Variants in CHODL observed in about 807,000 individuals in gnomAD.
The protein encoded by CHODL is transmembrane protein MT75.
Under a neutral mutation model 34.5 loss-of-function variants are expected in CHODL, and 29 were observed. The ratio of observed to expected loss-of-function variants is 0.84; its 90% CI spans 0.63 to 1.15. The LOEUF (loss-of-function observed/expected upper bound fraction) is 1.15. CHODL is among the 50% of genes most tolerant of loss of function. The pLI is 0.00. For missense variants in CHODL, 332 were observed against 332.5 expected, an observed-to-expected ratio of 1.00 and a Z score of 0.01; for synonymous variants, 125 against 116.1, an observed-to-expected ratio of 1.08 and a Z score of -0.49.
At chr21:18,157,672 A>G (rs1027216305) in intron 2 of CHODL, among the ~76,000 whole-genome samples, 24 of 152,350 alleles carry the variant, frequency 1.6e-4, no homozygotes, top group African/African-American at 5.8e-4. Context: ...ATTACTGGAT[A>G]ACATCCAATG....
At chr21:18,041,024 G>A (rs974317739) in intron 2 of CHODL, among the ~76,000 whole-genome samples, 1 of 151,830 alleles carries the variant, frequency 6.6e-6, no homozygotes, top group Non-Finnish European at 1.5e-5. Context: ...ATGCTCTTTA[G>A]CTTGCTTTTA....
At chr21:18,204,605 A>C (rs1179024505) in intron 2 of CHODL, among the ~76,000 whole-genome samples, 1 of 152,150 alleles carries the variant, frequency 6.6e-6, no homozygotes, top group Non-Finnish European at 1.5e-5. Context: ...TTGCAACTAC[A>C]TTAAATGTCA....
At chr21:18,020,276 G>T (rs1367846623) in intron 1 of CHODL, among the ~76,000 whole-genome samples, 2 of 152,110 alleles carry the variant, frequency 1.3e-5, no homozygotes, top group African/African-American at 4.8e-5. Context: ...GCATCAATCT[G>T]CATCAGTTTA....
chr21:18,103,772 A>G (rs1433805623), intron 2 of CHODL, among the ~76,000 whole-genome samples: 1 of 152,156 alleles, frequency 6.6e-6, no homozygotes, highest in Non-Finnish European at 1.5e-5. Flanking sequence ...CAGAGTGAAC[A>G]TCCCACTGGA....
chr21:18,064,103 C>A (rs749658777), intron 2 of CHODL, among the ~76,000 whole-genome samples: 1 of 152,106 alleles, frequency 6.6e-6, no homozygotes, highest in Non-Finnish European at 1.5e-5. Flanking sequence ...CTTTTAAGAG[C>A]CTTTCTTTGT....
intron 2 of CHODL, among the ~76,000 whole-genome samples, chr21:18,146,379 T>C (rs13049355): frequency 0.13 from 19,993 of 152,006 alleles, 1,408 homozygotes; most frequent in Middle Eastern, 0.23. Flanking sequence ...TAATCTGAAT[T>C]GTAATACCCA....
At chr21:17,961,859 T>G (rs2063534699) in intron 1 of CHODL, among the ~76,000 whole-genome samples, 1 of 152,184 alleles carries the variant, frequency 6.6e-6, no homozygotes, top group Non-Finnish European at 1.5e-5. Context: ...TGGACAACAG[T>G]GAATGGGCTC....
At chr21:18,108,970 G>C (rs1360046428) in intron 2 of CHODL, among the ~76,000 whole-genome samples, 2 of 151,842 alleles carry the variant, frequency 1.3e-5, no homozygotes, top group East Asian at 3.9e-4. Context: ...TATTGAAATA[G>C]GATTATGACA....
At chr21:18,248,672 ACATATATGTATATATTATATAC>A (rs2074177873) in intron 1 of CHODL, among the ~76,000 whole-genome samples, 2 of 106,064 alleles carry the variant, frequency 1.9e-5, no homozygotes, top group Admixed American at 1.1e-4. Flanking sequence ...TATGTATAAT[ACATATATGTATATATTATATAC>A]ATATATATGT....
chr21:18,154,891 T>C (rs949291416), intron 2 of CHODL, among the ~76,000 whole-genome samples: 6 of 152,122 alleles, frequency 3.9e-5, no homozygotes, highest in Admixed American at 3.9e-4. Context: ...CTGTATAAGA[T>C]GATGGAGATA....
rs1568850918 is a variant in CHODL, at chr21:18,028,245, C to CCTTCT, written c.-45+275_-45+276insTTCTC. Among the ~76,000 whole-genome samples, 85 of 114,334 alleles carry CCTTCT rather than the reference C, an allele frequency of 7.4e-4. 3 individuals are homozygous for CCTTCT. The highest frequency in any genetic ancestry group is 2.7e-3 in the African/African-American group (73 of 27,266). 75.0% of individuals were successfully genotyped at this position (114,334 alleles called of 152,430 possible). On this transcript the variant is annotated intron_variant, in intron 2 of 6. Transcript: ENST00000400127. Reference sequence around the variant, plus strand: ...CTCCCCTCCCCTCCCCTTCCCCTTCCCCTTTTCCTTTTCTTTTTCTTTTTC... The same window carrying CCTTCT: ...CTCCCCTCCCCTCCCCTTCCCCTTCCCTTCTCCTTTTCCTTTTCTTTTTCTTTTTC...
chr21:18,248,634 A>G (rs2074175166), intron 1 of CHODL, among the ~76,000 whole-genome samples: 1 of 130,692 alleles, frequency 7.7e-6, no homozygotes, highest in Admixed American at 8.7e-5. Context: ...TATATATAAT[A>G]CATATATGTA....
chr21:18,095,953 C>A (rs1688156), intron 2 of CHODL, among the ~76,000 whole-genome samples: 1 of 151,940 alleles, frequency 6.6e-6, no homozygotes, highest in East Asian at 1.9e-4. Context: ...AAGTTTAATA[C>A]CCTTTCATGA....
intron 1 of CHODL, among the ~76,000 whole-genome samples, chr21:18,002,845 C>G (rs986910766): frequency 6.6e-6 from 1 of 152,022 alleles, no homozygotes; most frequent in Non-Finnish European, 1.5e-5. Flanking sequence ...AGAGCCCGGC[C>G]GGGCGCTGTG....
At chr21:17,952,585 T>G (rs1029862858) in intron 1 of CHODL, among the ~76,000 whole-genome samples, 1 of 152,100 alleles carries the variant, frequency 6.6e-6, no homozygotes, top group Non-Finnish European at 1.5e-5. Context: ...CTAAAGGAAT[T>G]TTTTCAGGTT....
chr21:18,197,647 C>G (rs1489369141), intron 2 of CHODL, among the ~76,000 whole-genome samples: 1 of 152,086 alleles, frequency 6.6e-6, no homozygotes, highest in Non-Finnish European at 1.5e-5. Context: ...TTTATTGTAA[C>G]TCTTCAAGAA....
intron 2 of CHODL, among the ~76,000 whole-genome samples, chr21:18,095,602 C>A (rs2065130587): frequency 6.6e-6 from 1 of 152,126 alleles, no homozygotes; most frequent in Admixed American, 6.6e-5. Flanking sequence ...ACCAGTCCTA[C>A]TCAAACATTC....
intron 2 of CHODL, among the ~76,000 whole-genome samples, chr21:18,232,915 A>C (rs200748815): frequency 2.1e-5 from 3 of 140,244 alleles, no homozygotes; most frequent in East Asian, 4.0e-4. Context: ...AATGGTCCAT[A>C]TAATTATGGG....
intron 2 of CHODL, among the ~76,000 whole-genome samples, chr21:18,151,048 A>G (rs1040162806): frequency 8.4e-5 from 12 of 142,746 alleles, no homozygotes; most frequent in African/African-American, 3.2e-4. Flanking sequence ...GCACCACTGC[A>G]CTCCAGACTG....
Sources: gnomAD v4.1 joint callset for allele counts (sites outside exome capture counted in the v4.1 genomes callset) on GRCh38, gnomAD v4.1.1 for gene constraint, MANE v1.5 for transcripts, NCBI Gene and HGNC (gene_info 2026-07-23, HGNC 2026-07-21) for gene names.